Variants in HTT observed in about 807,000 individuals in gnomAD.
HTT encodes huntington disease protein.
In HTT, 104 loss-of-function variants were observed where a neutral mutation model predicts 362.3. The ratio of observed to expected loss-of-function variants is 0.29; its 90% CI spans 0.24 to 0.34. The LOEUF is 0.34. Among genes scored for constraint, HTT ranks in the 10% least tolerant of loss-of-function variants. HTT has a pLI of 1.00. For synonymous variants in HTT, 1,577 were observed against 1,548.7 expected, an observed-to-expected ratio of 1.02 and a Z score of -0.43; for missense variants, 3,301 against 3,928.6, an observed-to-expected ratio of 0.84 and a Z score of 4.27.
At position 3,074,876 on chromosome 4, in the gene HTT, CCAGCAGCAGCAGCAG is replaced by C. The variant is rs71180116; in HGVS notation, c.96_110del (p.Gln34_Gln38del). On this transcript the variant is annotated inframe_deletion, in exon 1 of 67. Transcript: ENST00000355072. ...AGGCCTTCGAGTCCCTCAAGTCCTTCCAGCAGCAGCAGCAGCAGCAGCAGCAGCAGCAGCAGCAGC... is the reference window on the plus strand; with the variant it reads ...AGGCCTTCGAGTCCCTCAAGTCCTTCCAGCAGCAGCAGCAGCAGCAGCAGC... The C allele has an allele frequency of 3.6e-3, 4,862 of 1,356,796 alleles. 37 individuals are homozygous for C. Among genetic ancestry groups the C allele is most frequent in the South Asian group, 7.8e-3 (593 of 76,068 alleles). 84.0% of individuals were successfully genotyped at this position (1,356,796 alleles called of 1,614,324 possible). A position where few individuals can be genotyped will look rare whatever the true frequency, so the allele number is the denominator to read the frequency against.
At position 3,074,775 on chromosome 4, in the gene HTT, G is replaced by A. The variant is rs776247486; in HGVS notation, c.-51G>A. 6.7e-7 allele frequency: 1 copy of A among 1,498,004 alleles called. No homozygotes were observed. 92.8% of individuals were successfully genotyped at this position (1,498,004 alleles called of 1,614,324 possible). On this transcript the variant is annotated 5_prime_UTR_variant, in exon 1 of 67. Transcript: ENST00000355072. ...CATTGCCCCGGTGCTGAGCGGCGCC[G>A]CGAGTCGGCCCGAGGCCTCCGGGGA...
At chr4:3,129,405 TCA>T (rs1361779648) in intron 12 of HTT, 2 of 153,284 alleles carry the variant, frequency 1.3e-5, no homozygotes, top group Non-Finnish European at 2.9e-5. Context: ...AGTCCATTGT[TCA>T]GTTTTTTTAG....
chr4:3,175,473 C>T (rs1002135894), intron 33 of HTT, among the ~76,000 whole-genome samples: 2 of 152,192 alleles, frequency 1.3e-5, no homozygotes, highest in Non-Finnish European at 2.9e-5. Context: ...TTAGTTTAAA[C>T]AGATTATCAA....
chr4:3,229,479 GCA>G (rs1283394766), intron 59 of HTT, among the ~76,000 whole-genome samples: 5 of 130,490 alleles, frequency 3.8e-5, no homozygotes, highest in Non-Finnish European at 7.9e-5. Flanking sequence ...CAGACACATG[GCA>G]CACACTACAC....
In HTT at chr4:3,218,996, A is replaced by G. The variant is rs1720548921; in HGVS notation, c.7242+1044A>G. ...GAGTCTAGGGAGGCTTGCTCCAAGG[A>G]CGCAGTATTGTTTGATCCTGAGAGA... On this transcript the variant is annotated intron_variant, in intron 52 of 66. Transcript: ENST00000355072. The surrounding 1 kb of genome is among the most constrained non-coding windows in gnomAD (Gnocchi z 4.4). Among the ~76,000 whole-genome samples the G allele has an allele frequency of 6.6e-6, 1 of 152,116 alleles. No homozygotes were observed. Among genetic ancestry groups the G allele is most frequent in the South Asian group, 2.1e-4 (1 of 4,822 alleles).
rs187458063 is a variant in HTT at position 3,148,691 on chromosome 4, G to A, written c.3498+484G>A. Reference sequence around the variant, plus strand: ...CGGGCGCCTGTAGTCCCAGCTGCTCGGGAGGCTGAGGCAGGAGAATGGCGT... The same window carrying A: ...CGGGCGCCTGTAGTCCCAGCTGCTCAGGAGGCTGAGGCAGGAGAATGGCGT... On this transcript the variant is annotated intron_variant, in intron 26 of 66. Transcript: ENST00000355072. Among the ~76,000 whole-genome samples the A allele has an allele frequency of 5.1e-3, 781 of 152,318 alleles. 5 individuals carry two copies. Among genetic ancestry groups the A allele is most frequent in the African/African-American group, 0.017 (713 of 41,564 alleles).
chr4:3,128,105 G>T (rs1055694149), intron 12 of HTT, among the ~76,000 whole-genome samples: 1 of 151,690 alleles, frequency 6.6e-6, no homozygotes, highest in East Asian at 2.0e-4. Flanking sequence ...GCTAATGTTT[G>T]TATTTTCAGT....
Position 3,098,328 on chromosome 4 carries a change from A to G in HTT, c.348-946A>G, listed in dbSNP as rs371044929. On this transcript the variant is annotated intron_variant, in intron 2 of 66. Coordinates refer to ENST00000355072, the MANE Select transcript of HTT (RefSeq NM_001388492.1). ...CCTCTTAGGCTCATTGCTATCTTCC[A>G]ACCATTGTTTGCAATTTTTACCTAG... 9.2e-5 allele frequency among the ~76,000 whole-genome samples: 14 copies of G among 152,228 alleles called. No individual in the cohort carries two copies. In the East Asian group the frequency reaches 9.6e-4, roughly 10 times the overall value.
intron 11 of HTT, among the ~76,000 whole-genome samples, chr4:3,126,516 G>C (rs1715526621): frequency 1.3e-5 from 2 of 152,120 alleles, no homozygotes; most frequent in Non-Finnish European, 2.9e-5. Context: ...AATATTTAGA[G>C]AGGAAAATCT....
intron 24 of HTT, among the ~76,000 whole-genome samples, chr4:3,145,987 G>T (rs931725971): frequency 6.6e-6 from 1 of 152,122 alleles, no homozygotes; most frequent in Admixed American, 6.5e-5. Context: ...TTAATTTAAA[G>T]AAAGTTAAAA....
intron 1 of HTT, among the ~76,000 whole-genome samples, chr4:3,079,974 T>G (rs373668710): frequency 2.4e-4 from 37 of 152,344 alleles, no homozygotes; most frequent in African/African-American, 8.4e-4. Context: ...CAGGTTTGTA[T>G]TCAGCTGCAA....
chr4:3,222,244 T>C (rs1720708023), intron 53 of HTT, 143 bp from the exon 54 acceptor site: 2 of 630,840 alleles, frequency 3.2e-6, no homozygotes, highest in Non-Finnish European at 5.7e-6. Flanking sequence ...CCCCGCATCA[T>C]AGAACTGTGT....
chr4:3,229,782 CTT>C (rs1300692647), intron 59 of HTT, 103 bp from the exon 60 acceptor site: 3 of 1,224,294 alleles, frequency 2.5e-6, no homozygotes, highest in Non-Finnish European at 3.6e-6. Flanking sequence ...AGTAATGTCT[CTT>C]GGGTGTAAGA....
intron 22 of HTT, among the ~76,000 whole-genome samples, chr4:3,142,077 A>T (rs1716374658): frequency 6.6e-6 from 1 of 152,224 alleles, no homozygotes; most frequent in Non-Finnish European, 1.5e-5. Flanking sequence ...CCCAGTTCCA[A>T]ACTTCAGCAG....
intron 27 of HTT, 130 bp downstream of exon 27, chr4:3,154,549 C>T (rs1057438447): frequency 7.9e-7 from 1 of 1,258,662 alleles, no homozygotes; most frequent in African/African-American, 1.5e-5. Context: ...GAAAGTTTCT[C>T]CAGGTGCGGT....
At chr4:3,219,750 A>C (rs1420703146) in intron 52 of HTT, among the ~76,000 whole-genome samples, 2 of 152,200 alleles carry the variant, frequency 1.3e-5, no homozygotes, top group African/African-American at 4.8e-5. Flanking sequence ...CGCACAGAGA[A>C]CTGGACTTCA....
chr4:3,127,402 G>C lies in HTT; in HGVS notation c.1541G>C (p.Ser514Thr). Residue 514 changes from serine to threonine, a missense_variant, in exon 12 of 67, where the codon AGC (serine) becomes ACC (threonine). Physicochemically the swap from Ser to Thr is moderately conservative, Grantham distance 58. This residue lies in a region of HTT where 2,316 missense variants were observed against 2,658.5 expected (regional missense o/e 0.87). Coordinates refer to ENST00000355072, the MANE Select transcript of HTT (RefSeq NM_001388492.1). ...TLQADSVDLA[S>T]CDLTSSATDG... ...CAGGCGGACTCAGTGGATCTGGCCAGCTGTGACTTGACAAGCTCTGCCACT... is the reference window on the plus strand; with the variant it reads ...CAGGCGGACTCAGTGGATCTGGCCACCTGTGACTTGACAAGCTCTGCCACT... 2 of 1,614,196 alleles carry C rather than the reference G, an allele frequency of 1.2e-6. No individual in the cohort carries two copies. The highest frequency in any genetic ancestry group is 1.7e-6 in the Non-Finnish European group (2 of 1,180,024).
At chr4:3,126,507 A>G (rs1051720878) in intron 11 of HTT, among the ~76,000 whole-genome samples, 2 of 152,242 alleles carry the variant, frequency 1.3e-5, no homozygotes, top group African/African-American at 2.4e-5. Context: ...TAAGACTTAA[A>G]TATTTAGAGA....
intron 50 of HTT, 56 bp from the exon 51 acceptor site, chr4:3,215,054 A>T (rs1462450853): frequency 5.8e-6 from 8 of 1,379,938 alleles, no homozygotes; most frequent in Non-Finnish European, 8.2e-6. Context: ...ATGTTGAATA[A>T]AAAGCACTGA....
Sources: allele counts gnomAD v4.1 joint callset (sites outside exome capture counted in the v4.1 genomes callset), GRCh38; gene constraint gnomAD v4.1.1; regional missense constraint gnomAD v4.1.1; non-coding constraint Gnocchi (gnomAD v3.1); transcripts MANE v1.5; gene names NCBI Gene and HGNC (gene_info 2026-07-23, HGNC 2026-07-21).